The following RAD17 variants were observed in gnomAD, a reference collection of about 807,000 sequenced individuals.
The protein encoded by RAD17 is cell cycle checkpoint protein RAD17.
RAD17 carries 31 observed loss-of-function variants against 81.5 expected under a neutral mutation model. The ratio of observed to expected loss-of-function variants is 0.38; its 90% CI spans 0.29 to 0.51. The LOEUF is 0.51. Among genes scored for constraint, RAD17 ranks in the 20% least tolerant of loss-of-function variants. The pLI is 0.88. For missense variants in RAD17, 681 were observed against 781.2 expected (o/e 0.87, Z 1.53); for synonymous variants, 261 against 266.2 (o/e 0.98, Z 0.19).
intron 7 of RAD17, chr5:69,384,259 G>C (rs1485935008): frequency 6.6e-6 from 1 of 152,404 alleles, no homozygotes; most frequent in Non-Finnish European, 1.5e-5. Flanking sequence ...CACAGTCATA[G>C]ATATTTTTAC....
At position 69,414,460 on chromosome 5, in the gene RAD17, T is replaced by TA; in HGVS notation, c.*171dup. Reference sequence around the variant, plus strand: ...AACCTACTCTTCTGTCATCTTGAAGTAAATAGAAGATCAAGCCTTCAAATC... The same window carrying TA: ...AACCTACTCTTCTGTCATCTTGAAGTAAAATAGAAGATCAAGCCTTCAAATC... On this transcript the variant is annotated 3_prime_UTR_variant, in exon 19 of 19. Coordinates refer to ENST00000354868, the MANE Select transcript of RAD17 (RefSeq NM_133338.3). 2.5e-6 allele frequency: 2 copies of TA among 802,384 alleles called. No homozygotes were observed. Among genetic ancestry groups the TA allele is most frequent in the Middle Eastern group, 7.4e-4 (2 of 2,704 alleles). 49.7% of individuals were successfully genotyped at this position (802,384 alleles called of 1,614,324 possible). A position where few individuals can be genotyped will look rare whatever the true frequency, so the allele number is the denominator to read the frequency against.
intron 17 of RAD17, among the ~76,000 whole-genome samples, chr5:69,403,166 C>T (rs973727845): frequency 2.6e-5 from 4 of 152,162 alleles, no homozygotes; most frequent in Non-Finnish European, 5.9e-5. Context: ...AAAATGATAA[C>T]TCCCCATTTC....
intron 17 of RAD17, among the ~76,000 whole-genome samples, chr5:69,402,482 C>T (rs533730859): frequency 2.1e-4 from 32 of 152,004 alleles, no homozygotes; most frequent in African/African-American, 7.2e-4. Flanking sequence ...TGGCTAACCC[C>T]GTCTCTACTA....
intron 6 of RAD17, among the ~76,000 whole-genome samples, chr5:69,377,450 T>TACACACAC (rs1763426343): frequency 4.5e-4 from 5 of 11,196 alleles, no homozygotes; most frequent in Admixed American, 1.5e-3. Flanking sequence ...TATATATATA[T>TACACACAC]ATATATATAT....
rs1386059959 is a variant in RAD17, at chr5:69,386,040, T to C, written c.646-3T>C. On this transcript the variant is annotated splice_region_variant and splice_polypyrimidine_tract_variant and intron_variant, in intron 8 of 18. Transcript: ENST00000354868. The stretch of plus-strand genomic sequence containing the variant: ...ACTATTATTTATTTTTTATTTTCAA[T>C]AGGATTTACCTAACCAGTTTTATCG... The C allele has an allele frequency of 1.9e-6, 3 of 1,557,510 alleles. No homozygotes were observed. The highest frequency in any genetic ancestry group is 2.0e-5 in the Admixed American group (1 of 50,034).
chr5:69,381,087 T>C (rs1461660098), intron 6 of RAD17, among the ~76,000 whole-genome samples: 12 of 152,132 alleles, frequency 7.9e-5, no homozygotes, highest in Non-Finnish European at 1.6e-4. Flanking sequence ...TGTCTTAATA[T>C]GCATTTCTTA....
At chr5:69,408,387 G>C (rs1240273206) in intron 17 of RAD17, among the ~76,000 whole-genome samples, 1 of 151,838 alleles carries the variant, frequency 6.6e-6, no homozygotes, top group Non-Finnish European at 1.5e-5. Flanking sequence ...ATCCTTGGCT[G>C]TGCCCACAGT....
At chr5:69,382,192 C>T (rs950334556) in intron 7 of RAD17, 135 bp downstream of exon 7, 33 of 985,606 alleles carry the variant, frequency 3.3e-5, no homozygotes, top group African/African-American at 3.0e-4. Flanking sequence ...AGGCCAGGTG[C>T]GATGGCTGTC....
chr5:69,384,847 G>C lies in RAD17; in HGVS notation c.559G>C (p.Glu187Gln). ...PYQSQIAVFK[E>Q]FLLRATKYNK... ...TCAGTCTCAGATAGCAGTTTTCAAAGAGTTTCTACTAAGAGCGACAAAGTA... is the reference window on the plus strand; with the variant it reads ...TCAGTCTCAGATAGCAGTTTTCAAACAGTTTCTACTAAGAGCGACAAAGTA... Residue 187 changes from glutamate to glutamine, a missense_variant, in exon 8 of 19, where the codon GAG (glutamate) becomes CAG (glutamine). Glu to Gln is a conservative substitution (Grantham distance 29). Coordinates refer to ENST00000354868, the MANE Select transcript of RAD17 (RefSeq NM_133338.3). 6.2e-7 allele frequency: 1 copy of C among 1,611,912 alleles called. No individual in the cohort carries two copies.
chr5:69,370,396 T>A (rs1762870463), intron 1 of RAD17: 1 of 152,706 alleles, frequency 6.5e-6, no homozygotes, highest in Non-Finnish European at 1.5e-5. Context: ...GGAGTCTCAC[T>A]CTTGTCGCCC....
rs913425553 is a variant in RAD17, at chr5:69,382,186, C to T, written c.508+129C>T. 15 of 1,063,220 alleles carry T rather than the reference C, an allele frequency of 1.4e-5. No individual in the cohort carries two copies. In the East Asian group the frequency reaches 3.6e-4, roughly 25 times the overall value. The allele number at this position is 1,063,220 out of a possible 1,614,324, so 65.9% of individuals were successfully genotyped here. ...TTCAGAGGGATGGAATTTCACAGGCCAGGTGCGATGGCTGTCACATGGGAG... is the reference window on the plus strand; with the variant it reads ...TTCAGAGGGATGGAATTTCACAGGCTAGGTGCGATGGCTGTCACATGGGAG... On this transcript the variant is annotated intron_variant, in intron 7 of 18. Coordinates refer to ENST00000354868, the MANE Select transcript of RAD17 (RefSeq NM_133338.3).
chr5:69,405,687 A>AT (rs1765555009), intron 17 of RAD17, among the ~76,000 whole-genome samples: 1 of 151,278 alleles, frequency 6.6e-6, no homozygotes. Flanking sequence ...CAAAAAAAAA[A>AT]CTCTAAAAAT....
chr5:69,385,266 C>CTTTTTTT (rs35876455), intron 8 of RAD17, among the ~76,000 whole-genome samples: 4 of 102,298 alleles, frequency 3.9e-5, no homozygotes, highest in Non-Finnish European at 5.8e-5. Context: ...GGCCTAAAAT[C>CTTTTTTT]TTTTTTTTTT....
intron 16 of RAD17, 33 bp downstream of exon 16, chr5:69,396,579 A>G (rs1361179631): frequency 5.4e-6 from 8 of 1,470,398 alleles, no homozygotes; most frequent in Admixed American, 5.0e-5. Context: ...TGTACTTTCA[A>G]TATGTGAACT....
Position 69,414,524 on chromosome 5 carries a change from T to A in RAD17, c.*232T>A. The A allele has an allele frequency of 1.7e-6, 1 of 595,706 alleles. No individual in the cohort carries two copies. 36.9% of individuals were successfully genotyped at this position (595,706 alleles called of 1,614,324 possible). ...GGTATTTATTAAATCTGTGAGTGGT[T>A]TAAGGAGCGGTCAGTGTGTATAAAG... On this transcript the variant is annotated 3_prime_UTR_variant, in exon 19 of 19. Transcript: ENST00000354868.
At position 69,396,401 on chromosome 5, in the gene RAD17, G is replaced by T. The variant is rs17236478; in HGVS notation, c.1427G>T (p.Arg476Leu). The T allele has an allele frequency of 9.6e-5, 154 of 1,607,524 alleles. No individual in the cohort carries two copies. In the African/African-American group the frequency reaches 1.9e-3, roughly 20 times the overall value. The change falls in exon 16 of 19, where the codon CGC becomes CTC. Residue 476 changes from arginine (R) to leucine (L), a missense_variant. Transcript: ENST00000354868. Reference protein sequence around the residue: ...ADILSGDWNTRSLLREYSTSI... With the variant: ...ADILSGDWNTLSLLREYSTSI... ...ACATCTTGTCTCATTTGTTAGACAC[G>T]CTCTTTACTCAGGGAATATAGCACA... is the stretch of plus-strand genomic sequence containing the variant.
intron 8 of RAD17, among the ~76,000 whole-genome samples, chr5:69,385,402 TG>T (rs1484930050): frequency 6.6e-6 from 1 of 151,274 alleles, no homozygotes. Flanking sequence ...CCCCGAGTAG[TG>T]GGGATTACAG....
At chr5:69,373,686 ATTT>A (rs56385833) in intron 4 of RAD17, 141 bp from the exon 5 acceptor site, 48,210 of 245,406 alleles carry the variant, frequency 0.2, 5,915 homozygotes, top group Admixed American at 0.32. Flanking sequence ...TCTCAAAAAA[ATTT>A]TTTTTTTTTT....
At chr5:69,381,422 A>G (rs1039609987) in intron 6 of RAD17, among the ~76,000 whole-genome samples, 3 of 151,916 alleles carry the variant, frequency 2.0e-5, no homozygotes, top group Non-Finnish European at 4.4e-5. Context: ...CGGAGCTTGC[A>G]GTGAGCCGAG....
Sources: allele counts gnomAD v4.1 joint callset (sites outside exome capture counted in the v4.1 genomes callset), GRCh38; gene constraint gnomAD v4.1.1; transcripts MANE v1.5; gene names NCBI Gene and HGNC (gene_info 2026-07-23, HGNC 2026-07-21).